Variants in EYA1 observed in about 807,000 individuals in gnomAD.
EYA1 encodes the protein EYA transcriptional coactivator and phosphatase 1.
In EYA1, 16 loss-of-function variants were observed where a neutral mutation model predicts 82.0. The ratio of observed to expected loss-of-function variants is 0.20; its 90% confidence interval spans 0.13 to 0.30. EYA1 has a LOEUF of 0.30. Ranked by LOEUF, EYA1 falls within the 10% of genes least tolerant of loss-of-function variation. The pLI is 1.00. For synonymous variants in EYA1, 261 were observed against 264.4 expected, an observed-to-expected ratio of 0.99 and a Z score of 0.12; for missense variants, 633 against 730.7, an observed-to-expected ratio of 0.87 and a Z score of 1.54.
At chr8:71,475,745 G>A (rs1809612607) in intron 2 of EYA1, among the ~76,000 whole-genome samples, 2 of 152,062 alleles carry the variant, frequency 1.3e-5, no homozygotes, top group Admixed American at 1.3e-4. Context: ...ATTAGAGATT[G>A]CTGATTTTGT....
chr8:71,378,027 C>A (rs1287771018), intron 2 of EYA1, among the ~76,000 whole-genome samples: 1 of 152,158 alleles, frequency 6.6e-6, no homozygotes, highest in Admixed American at 6.5e-5. Flanking sequence ...ACACCAGGCT[C>A]TCTCCAACAT....
intron 17 of EYA1, among the ~76,000 whole-genome samples, chr8:71,205,359 C>A (rs1229417866): frequency 1.3e-5 from 2 of 151,816 alleles, no homozygotes; most frequent in Middle Eastern, 3.4e-3. Flanking sequence ...AACAATCATA[C>A]CTAGGTCTAA....
At chr8:71,545,420 G>T (rs1449761921) in intron 1 of EYA1, among the ~76,000 whole-genome samples, 1 of 152,006 alleles carries the variant, frequency 6.6e-6, no homozygotes, top group African/African-American at 2.4e-5. Context: ...TGCATTTCAG[G>T]TTACTAAGAT....
intron 11 of EYA1, among the ~76,000 whole-genome samples, chr8:71,267,214 C>G (rs981685145): frequency 6.6e-6 from 1 of 152,226 alleles, no homozygotes; most frequent in East Asian, 1.9e-4. Context: ...CCCTTTGGAA[C>G]CTGCCTTCAT....
chr8:71,364,055 AT>A (rs1379434627), upstream of EYA1, among the ~76,000 whole-genome samples: 1 of 151,942 alleles, frequency 6.6e-6, no homozygotes, highest in Non-Finnish European at 1.5e-5. Flanking sequence ...TTATGTTGAA[AT>A]TTAATTTTTA....
At chr8:71,306,890 C>T (rs1417408244) in intron 7 of EYA1, among the ~76,000 whole-genome samples, 1 of 152,194 alleles carries the variant, frequency 6.6e-6, no homozygotes, top group Non-Finnish European at 1.5e-5. Context: ...AGCTCATTTT[C>T]TATATTTATC....
intron 12 of EYA1, 115 bp downstream of exon 12, chr8:71,244,488 A>G (rs955667923): frequency 2.0e-5 from 13 of 659,232 alleles, no homozygotes; most frequent in African/African-American, 1.5e-4. Flanking sequence ...TATTACCAAC[A>G]AACCTCTGTC....
At chr8:71,355,030 T>C in intron 2 of EYA1, 121 bp from the exon 3 acceptor site, 1 of 989,494 alleles carries the variant, frequency 1.0e-6, no homozygotes, top group South Asian at 1.3e-5. Context: ...TATCTATTTC[T>C]TAGACTCAAA....
At chr8:71,470,747 A>G in intron 2 of EYA1, 1 of 351,986 alleles carries the variant, frequency 2.8e-6, no homozygotes, top group Non-Finnish European at 5.5e-6. Flanking sequence ...GGGGGAAAAC[A>G]TCACCGTAAT....
chr8:71,449,838 T>G (rs1469139819), intron 2 of EYA1, among the ~76,000 whole-genome samples: 1 of 152,216 alleles, frequency 6.6e-6, no homozygotes, highest in Non-Finnish European at 1.5e-5. Context: ...ATCAATGATC[T>G]TAGCCAGATC....
At chr8:71,285,361 C>G (rs1366540721) in intron 9 of EYA1, among the ~76,000 whole-genome samples, 1 of 152,156 alleles carries the variant, frequency 6.6e-6, no homozygotes, top group Non-Finnish European at 1.5e-5. Flanking sequence ...AGACTCCAAG[C>G]AAATCCTGTA....
chr8:71,238,877 A>T (rs1370193306), intron 12 of EYA1, among the ~76,000 whole-genome samples: 1 of 152,084 alleles, frequency 6.6e-6, no homozygotes, highest in Non-Finnish European at 1.5e-5. Context: ...ACTTGTAATG[A>T]CAGTTTGCTT....
intron 2 of EYA1, among the ~76,000 whole-genome samples, chr8:71,430,903 GAA>G (rs10576758): frequency 0.27 from 36,896 of 135,778 alleles, 5,045 homozygotes; most frequent in Non-Finnish European, 0.34. Context: ...CTAGAAAGGA[GAA>G]AAAAAAAAAA....
At chr8:71,285,681 CT>C (rs963276175) in intron 9 of EYA1, among the ~76,000 whole-genome samples, 84 of 152,220 alleles carry the variant, frequency 5.5e-4, no homozygotes, top group African/African-American at 1.9e-3. Context: ...ACCCAAAAGG[CT>C]TTTTTTGTGC....
chr8:71,450,584 T>G lies in EYA1; in HGVS notation c.33+85160A>C, dbSNP rs181872697. On this transcript the variant is annotated intron_variant, in intron 2 of 18. Coordinates refer to the EYA1 transcript ENST00000643681. Reference sequence around the variant, plus strand: ...AATAATTATGAGAATGACTGAAATATCAGAAGAATTAACAAAATGTCACAC... The same window carrying G: ...AATAATTATGAGAATGACTGAAATAGCAGAAGAATTAACAAAATGTCACAC... Among the ~76,000 whole-genome samples, 473 of 152,250 alleles carry G rather than the reference T, an allele frequency of 3.1e-3. 4 individuals are homozygous for G. The highest frequency in any genetic ancestry group is 0.011 in the African/African-American group (446 of 41,552).
chr8:71,449,108 T>C (rs558105724), intron 2 of EYA1: 134 of 166,886 alleles, frequency 8.0e-4, no homozygotes, highest in South Asian at 1.4e-3. Context: ...GCATGAGCTA[T>C]GGGTAATGAC....
At chr8:71,376,556 A>C (rs1828382305) in intron 2 of EYA1, among the ~76,000 whole-genome samples, 1 of 152,162 alleles carries the variant, frequency 6.6e-6, no homozygotes, top group African/African-American at 2.4e-5. Flanking sequence ...AGTCCAGGTG[A>C]AAGGAGTGTA....
At chr8:71,437,070 A>ATATATATG (rs1383971682) in intron 2 of EYA1, among the ~76,000 whole-genome samples, 1 of 139,064 alleles carries the variant, frequency 7.2e-6, no homozygotes, top group African/African-American at 2.7e-5. Context: ...ATATATATAT[A>ATATATATG]TCTCCATCTT....
intron 2 of EYA1, among the ~76,000 whole-genome samples, chr8:71,413,552 T>C (rs1830713044): frequency 6.6e-6 from 1 of 152,228 alleles, no homozygotes; most frequent in Non-Finnish European, 1.5e-5. Flanking sequence ...GCATTGGAAA[T>C]TTACTTCAAA....
Sources: allele counts gnomAD v4.1 joint callset (sites outside exome capture counted in the v4.1 genomes callset), GRCh38; gene constraint gnomAD v4.1.1; transcripts MANE v1.5; gene names NCBI Gene and HGNC (gene_info 2026-07-23, HGNC 2026-07-21).